The following ITGB3 variants were observed in gnomAD, a reference collection of about 807,000 sequenced individuals.
The protein encoded by ITGB3 is integrin beta-3.
In ITGB3, 48 loss-of-function variants were observed where a neutral mutation model predicts 85.8. That is an observed-to-expected ratio of 0.56 (90% CI 0.44 to 0.71). ITGB3 has a LOEUF of 0.71. Ranked by LOEUF, ITGB3 falls within the 30% of genes least tolerant of loss-of-function variation. The pLI is 0.00. For synonymous variants in ITGB3, 363 were observed against 395.6 expected, an observed-to-expected ratio of 0.92 and a Z score of 0.98; for missense variants, 861 against 1,019.1, an observed-to-expected ratio of 0.84 and a Z score of 2.11.
chr17:47,288,737 G>C (rs892228916), intron 6 of ITGB3, among the ~76,000 whole-genome samples: 1 of 152,186 alleles, frequency 6.6e-6, no homozygotes, highest in East Asian at 1.9e-4. Context: ...CCTAATCTAT[G>C]CAAGGCACTG....
intron 10 of ITGB3, among the ~76,000 whole-genome samples, chr17:47,298,281 ATC>A (rs1328443607): frequency 2.0e-5 from 3 of 151,616 alleles, no homozygotes; most frequent in East Asian, 1.9e-4. Context: ...CCTTAGGAAA[ATC>A]TCTCTTTTTT....
Position 47,291,060 on chromosome 17 carries a change from C to T in ITGB3, c.1232C>T (p.Ser411Phe), listed in dbSNP as rs78121013. Residue 411 changes from serine (S) to phenylalanine (F), a missense_variant, in exon 9 of 15, where the codon TCT becomes TTT. Ser to Phe is a radical substitution (Grantham distance 155). Coordinates refer to ENST00000559488, the MANE Select transcript of ITGB3 (RefSeq NM_000212.3). ...AATGAGGTCATCCCTGGCCTCAAGT[C>T]TTGTATGGGACTCAAGATTGGAGAC... ...LNNEVIPGLK[S>F]CMGLKIGDTV... The T allele has an allele frequency of 3.7e-5, 59 of 1,614,038 alleles. No homozygotes were observed. The East Asian group carries it at 1.2e-3, about 34-fold the overall frequency.
chr17:47,308,344 C>T (rs1459705669), intron 14 of ITGB3, among the ~76,000 whole-genome samples: 1 of 152,036 alleles, frequency 6.6e-6, no homozygotes, highest in African/African-American at 2.4e-5. Context: ...CCTCGACCCT[C>T]CAAATGGCTA....
At chr17:47,281,508 C>CA (rs1345729461) in intron 2 of ITGB3, among the ~76,000 whole-genome samples, 1 of 152,192 alleles carries the variant, frequency 6.6e-6, no homozygotes, top group African/African-American at 2.4e-5. Flanking sequence ...TAGTCAGTGG[C>CA]AGGCCTAGGA....
At chr17:47,283,675 A>AG (rs1302074649) in intron 3 of ITGB3, 126 bp downstream of exon 3, 11 of 897,364 alleles carry the variant, frequency 1.2e-5, no homozygotes, top group Non-Finnish European at 1.8e-5. Flanking sequence ...GACAAGGATG[A>AG]GGGGGGAGGT....
chr17:47,287,048 G>GT, intron 5 of ITGB3, 22 bp from the exon 6 acceptor site: 1 of 1,612,768 alleles, frequency 6.2e-7, no homozygotes, highest in Non-Finnish European at 8.5e-7. Flanking sequence ...CTCTGCCTTT[G>GT]TTTTTTGTTT....
At chr17:47,295,849 A>G (rs528483948) in intron 10 of ITGB3, among the ~76,000 whole-genome samples, 8 of 152,330 alleles carry the variant, frequency 5.3e-5, no homozygotes, top group African/African-American at 1.4e-4. Flanking sequence ...AGCAGCTCAC[A>G]GCTGCCCCTT....
intron 1 of ITGB3, among the ~76,000 whole-genome samples, chr17:47,257,418 A>G (rs116036290): frequency 3.0e-4 from 46 of 152,360 alleles, no homozygotes; most frequent in African/African-American, 1.1e-3. Flanking sequence ...TGTATCTGAA[A>G]AAAGAGGAAG....
intron 1 of ITGB3, among the ~76,000 whole-genome samples, chr17:47,271,617 T>C (rs2065044299): frequency 6.6e-6 from 1 of 152,234 alleles, no homozygotes; most frequent in Non-Finnish European, 1.5e-5. Flanking sequence ...TAATATACAT[T>C]GTTCTCTTAT....
At position 47,290,914 on chromosome 17, in the gene ITGB3, C is replaced by T. The variant is rs778309927; in HGVS notation, c.1126-40C>T. 6 of 1,613,010 alleles carry T rather than the reference C, an allele frequency of 3.7e-6. No homozygotes were observed. In the South Asian group the frequency reaches 5.5e-5, roughly 15 times the overall value. ...GCTCTTGCCATTTCCCGTTTCCTTTCAGTTCAATTTCTTGTCTTCTTGTGC... is the reference window on the plus strand; with the variant it reads ...GCTCTTGCCATTTCCCGTTTCCTTTTAGTTCAATTTCTTGTCTTCTTGTGC... On this transcript the variant is annotated intron_variant, in intron 8 of 14. Coordinates refer to ENST00000559488, the MANE Select transcript of ITGB3 (RefSeq NM_000212.3).
chr17:47,284,740 G>A lies in ITGB3; in HGVS notation c.614+45G>A, dbSNP rs200333116. ...GCCAGGACAGCATCCTTTGCCCCAG[G>A]AAGGTCCAAGTCCTGGTTCCTATTT... On this transcript the variant is annotated intron_variant, in intron 4 of 14. Transcript: ENST00000559488. The A allele has an allele frequency of 6.8e-6, 11 of 1,613,066 alleles. No homozygotes were observed. In the Admixed American group the frequency reaches 1.8e-4, roughly 27 times the overall value.
chr17:47,267,731 T>C (rs532430515), intron 1 of ITGB3, among the ~76,000 whole-genome samples: 49 of 152,324 alleles, frequency 3.2e-4, no homozygotes, highest in African/African-American at 1.1e-3. Context: ...CCTGCTGTTA[T>C]TTATTTTGTA....
rs370751856 is a variant in ITGB3 at position 47,254,082 on chromosome 17, C to G, written c.79+142C>G. The stretch of plus-strand genomic sequence containing the variant: ...ATGCGCGTGTCCTGGCTGGCGCGGT[C>G]GGAGCCGGGAGCTGGGGACCTTCCT... On this transcript the variant is annotated intron_variant, in intron 1 of 14. Coordinates refer to ENST00000559488, the MANE Select transcript of ITGB3 (RefSeq NM_000212.3). 2.5e-4 allele frequency: 124 copies of G among 494,682 alleles called. No homozygotes were observed. The South Asian group carries it at 9.0e-3, about 36-fold the overall frequency. The allele number at this position is 494,682 out of a possible 1,614,324, so 30.6% of individuals were successfully genotyped here.
At position 47,286,413 on chromosome 17, in the gene ITGB3, A is replaced by G. The variant is rs1356483797; in HGVS notation, c.768A>G (p.Thr256=). The stretch of plus-strand genomic sequence containing the variant: ...GCTTTGATGCCATCATGCAGGCTAC[A>G]GTCTGTGATGTGAGTTTGGAGGACT... ...EGGFDAIMQA[T]VCDEKIGWRN... The change falls in exon 5 of 15, where the codon ACA becomes ACG. Residue 256 remains threonine (T), a synonymous_variant. Coordinates refer to ENST00000559488, the MANE Select transcript of ITGB3 (RefSeq NM_000212.3). 3 of 1,614,186 alleles carry G rather than the reference A, an allele frequency of 1.9e-6. No homozygotes were observed. Among genetic ancestry groups the G allele is most frequent in the East Asian group, 2.2e-5 (1 of 44,882 alleles).
At chr17:47,307,944 T>A (rs530046337) in intron 14 of ITGB3, among the ~76,000 whole-genome samples, 4 of 152,178 alleles carry the variant, frequency 2.6e-5, no homozygotes, top group Admixed American at 2.0e-4. Flanking sequence ...GGTGGGCAGA[T>A]CACTTGAGCT....
At chr17:47,286,612 A>G (rs1443348253) in intron 5 of ITGB3, among the ~76,000 whole-genome samples, 190 bp downstream of exon 5, 1 of 152,220 alleles carries the variant, frequency 6.6e-6, no homozygotes, top group African/African-American at 2.4e-5. Context: ...CTGAGCTGAC[A>G]TTTCTTTGAA....
intron 2 of ITGB3, among the ~76,000 whole-genome samples, chr17:47,277,686 C>G (rs1333668632): frequency 6.6e-6 from 1 of 151,958 alleles, no homozygotes; most frequent in African/African-American, 2.4e-5. Context: ...ATTTGGCAAC[C>G]CTACAGTGGA....
rs1180530619 is a variant in ITGB3, at chr17:47,283,467, G to T, written c.279G>T (p.Arg93Ser). 3 of 1,614,094 alleles carry T rather than the reference G, an allele frequency of 1.9e-6. No individual in the cohort carries two copies. The highest frequency in any genetic ancestry group is 2.7e-5 in the African/African-American group (2 of 74,934). ...GTGAGGCCCGAGTACTAGAGGACAG[G>T]CCCCTCAGCGACAAGGGCTCTGGAG... Reference protein sequence around the residue: ...PVSEARVLEDRPLSDKGSGDS... With the variant: ...PVSEARVLEDSPLSDKGSGDS... The change falls in exon 3 of 15, where the codon AGG becomes AGT. Residue 93 changes from arginine to serine, a missense_variant. By Grantham distance (110) the Arg-to-Ser change is moderately radical (BLOSUM62 -1). Transcript: ENST00000559488.
intron 1 of ITGB3, among the ~76,000 whole-genome samples, chr17:47,267,535 G>A (rs2065029751): frequency 6.6e-6 from 1 of 152,160 alleles, no homozygotes; most frequent in East Asian, 1.9e-4. Context: ...TGCCTGGGTA[G>A]CAGGACTTGG....
Sources: gnomAD v4.1 joint callset for allele counts (sites outside exome capture counted in the v4.1 genomes callset) on GRCh38, gnomAD v4.1.1 for gene constraint, MANE v1.5 for transcripts, NCBI Gene and HGNC (gene_info 2026-07-23, HGNC 2026-07-21) for gene names.